The following DCC variants were observed in gnomAD, a reference collection of about 807,000 sequenced individuals.
DCC encodes the protein netrin receptor DCC.
Under a neutral mutation model 172.5 loss-of-function variants are expected in DCC, and 58 were observed. The ratio of observed to expected loss-of-function variants is 0.34; its 90% CI spans 0.27 to 0.42. DCC has a LOEUF of 0.42. DCC is among the 10% of genes least tolerant of loss of function. The pLI is 1.00. For synonymous variants in DCC, 709 were observed against 644.5 expected (o/e 1.10, Z -1.52); for missense variants, 1,740 against 1,791.0 (o/e 0.97, Z 0.51).
At chr18:52,395,250 C>A (rs910523277) in intron 1 of DCC, among the ~76,000 whole-genome samples, 10 of 151,912 alleles carry the variant, frequency 6.6e-5, no homozygotes, top group Admixed American at 4.6e-4. Context: ...TTACTATTGG[C>A]TAGGAAAGGA....
intron 7 of DCC, among the ~76,000 whole-genome samples, chr18:53,079,377 T>C (rs574685482): frequency 1.6e-4 from 24 of 152,202 alleles, no homozygotes; most frequent in Non-Finnish European, 2.8e-4. Context: ...TTTAATACGC[T>C]TGCTTATATA....
In DCC at chr18:52,906,172, A is replaced by G. The variant is rs200200224; in HGVS notation, c.541A>G (p.Thr181Ala). 4.9e-5 allele frequency: 79 copies of G among 1,613,852 alleles called. No homozygotes were observed. Among genetic ancestry groups the G allele is most frequent in the Non-Finnish European group, 6.2e-5 (73 of 1,179,988 alleles). ...IHWQKNQQDL[T>A]PIPGDSRVVV... ...CTGGCAGAAGAACCAACAAGACCTG[A>G]CTCCAATCCCAGGTGACTCCCGAGT... The change falls in exon 3 of 29, where the codon ACT becomes GCT. Residue 181 changes from threonine (T) to alanine (A), a missense_variant. Physicochemically the swap from Thr to Ala is moderately conservative, Grantham distance 58. Transcript: ENST00000442544.
chr18:52,849,565 C>T (rs968642204), intron 2 of DCC, among the ~76,000 whole-genome samples: 1 of 152,092 alleles, frequency 6.6e-6, no homozygotes, highest in African/African-American at 2.4e-5. Flanking sequence ...CACAAAAATT[C>T]ACAGGCAATA....
chr18:53,025,454 C>G (rs191113344), intron 5 of DCC, among the ~76,000 whole-genome samples: 1 of 151,972 alleles, frequency 6.6e-6, no homozygotes, highest in Non-Finnish European at 1.5e-5. Flanking sequence ...CTTCCCTGTT[C>G]AACATATTTG....
At chr18:52,749,831 CA>C (rs1392810943) in intron 1 of DCC, among the ~76,000 whole-genome samples, 1 of 152,138 alleles carries the variant, frequency 6.6e-6, no homozygotes, top group African/African-American at 2.4e-5. Context: ...CCAGGAAGAA[CA>C]AAAAAGCAAT....
intron 1 of DCC, among the ~76,000 whole-genome samples, chr18:52,721,237 A>G (rs1319748664): frequency 6.6e-6 from 1 of 152,182 alleles, no homozygotes; most frequent in African/African-American, 2.4e-5. Flanking sequence ...ATTATTTCCA[A>G]TGGATTCCTG....
chr18:52,838,376 GACTA>G (rs1177553991), intron 2 of DCC, among the ~76,000 whole-genome samples: 8 of 152,022 alleles, frequency 5.3e-5, no homozygotes, highest in Non-Finnish European at 1.0e-4. Flanking sequence ...ACATTCTGGT[GACTA>G]ACAGATTTTT....
intron 1 of DCC, among the ~76,000 whole-genome samples, chr18:52,572,628 G>T (rs1347290972): frequency 1.3e-5 from 2 of 152,154 alleles, no homozygotes; most frequent in African/African-American, 4.8e-5. Flanking sequence ...AGGGGGAGAG[G>T]GAGTGGGGCC....
At chr18:52,444,915 A>G (rs762555215) in intron 1 of DCC, among the ~76,000 whole-genome samples, 24 of 152,212 alleles carry the variant, frequency 1.6e-4, no homozygotes, top group Non-Finnish European at 2.1e-4. Context: ...AATTACAGAC[A>G]CACAGTGGAT....
At chr18:52,621,714 C>T (rs765198134) in intron 1 of DCC, among the ~76,000 whole-genome samples, 5 of 152,134 alleles carry the variant, frequency 3.3e-5, no homozygotes, top group Non-Finnish European at 5.9e-5. Flanking sequence ...CAATTGATTC[C>T]CATCTGGACA....
chr18:52,928,985 G>A (rs936864404), intron 5 of DCC, among the ~76,000 whole-genome samples: 15 of 152,134 alleles, frequency 9.9e-5, no homozygotes, highest in Non-Finnish European at 1.5e-4. Flanking sequence ...GTAGGTGAAA[G>A]GAGTCTCTTC....
intron 1 of DCC, among the ~76,000 whole-genome samples, chr18:52,475,291 G>A (rs1989061448): frequency 6.6e-6 from 1 of 152,176 alleles, no homozygotes; most frequent in Non-Finnish European, 1.5e-5. Context: ...CTGTCAGGGT[G>A]AAGCTAATAT....
At chr18:52,651,260 T>C (rs1185836046) in intron 1 of DCC, among the ~76,000 whole-genome samples, 1 of 152,222 alleles carries the variant, frequency 6.6e-6, no homozygotes, top group Non-Finnish European at 1.5e-5. Context: ...GCTCTTGGGC[T>C]TAAGTGATGC....
chr18:52,369,073 T>A (rs575238954), intron 1 of DCC, among the ~76,000 whole-genome samples: 1 of 152,200 alleles, frequency 6.6e-6, no homozygotes, highest in South Asian at 2.1e-4. Context: ...AGGTGTTTCA[T>A]GTAATTTCTT....
chr18:53,403,391 CACTT>C (rs1909448631), intron 19 of DCC, among the ~76,000 whole-genome samples: 1 of 152,138 alleles, frequency 6.6e-6, no homozygotes, highest in African/African-American at 2.4e-5. Flanking sequence ...GTTCACAAAA[CACTT>C]AATATTGACT....
intron 12 of DCC, among the ~76,000 whole-genome samples, chr18:53,251,498 C>T (rs975604985): frequency 2.6e-5 from 4 of 151,896 alleles, no homozygotes; most frequent in African/African-American, 9.7e-5. Flanking sequence ...GCTAAATAAT[C>T]AAGAACTTGT....
chr18:53,463,236 T>C (rs2045581185), intron 24 of DCC, among the ~76,000 whole-genome samples: 1 of 152,208 alleles, frequency 6.6e-6, no homozygotes, highest in African/African-American at 2.4e-5. Flanking sequence ...TCCTTTCGTC[T>C]TTTATATACT....
rs1568198600 is a variant in DCC at position 52,497,310 on chromosome 18, T to TAC, written c.91+156433_91+156434insCA. ...ATATATATATATATATATATATATA[T>TAC]ATATACACACACACATATATATACA... On this transcript the variant is annotated intron_variant, in intron 1 of 28. Transcript: ENST00000442544. Among the ~76,000 whole-genome samples the TAC allele has an allele frequency of 2.3e-5, 2 of 88,338 alleles. 1 individual carries two copies. Among genetic ancestry groups the TAC allele is most frequent in the African/African-American group, 7.6e-5 (2 of 26,272 alleles). 58.0% of individuals were successfully genotyped at this position (88,338 alleles called of 152,430 possible). A position where few individuals can be genotyped will look rare whatever the true frequency, so the allele number is the denominator to read the frequency against.
chr18:53,246,227 A>G (rs1257528666), intron 12 of DCC, among the ~76,000 whole-genome samples: 1 of 152,052 alleles, frequency 6.6e-6, no homozygotes, highest in Non-Finnish European at 1.5e-5. Context: ...AGATTCATTA[A>G]AATCTAATCT....
Sources: allele counts gnomAD v4.1 joint callset (sites outside exome capture counted in the v4.1 genomes callset), GRCh38; gene constraint gnomAD v4.1.1; transcripts MANE v1.5; gene names NCBI Gene and HGNC (gene_info 2026-07-23, HGNC 2026-07-21).